ITGA1: variants seen among roughly 807,000 people sequenced by gnomAD.
ITGA1 encodes the protein integrin alpha-1.
A neutral mutation model predicts 145.9 loss-of-function variants in ITGA1; 85 were observed. That is an observed-to-expected ratio of 0.58 (90% CI 0.49 to 0.70). The LOEUF (loss-of-function observed/expected upper bound fraction) is 0.70. ITGA1 is among the 30% of genes least tolerant of loss of function. ITGA1 has a pLI of 0.00. For missense variants in ITGA1, 1,351 were observed against 1,418.7 expected (o/e 0.95, Z 0.77); for synonymous variants, 520 against 495.3 (o/e 1.05, Z -0.66).
chr5:52,941,687 G>T (rs987664681), intron 26 of ITGA1, among the ~76,000 whole-genome samples: 1 of 152,200 alleles, frequency 6.6e-6, no homozygotes, highest in African/African-American at 2.4e-5. Flanking sequence ...ACCTTTGTCA[G>T]ATGCATAGTT....
At chr5:52,839,889 T>C (rs1436854096) in intron 1 of ITGA1, among the ~76,000 whole-genome samples, 5 of 89,354 alleles carry the variant, frequency 5.6e-5, no homozygotes, top group Admixed American at 2.2e-4. Context: ...CTGTGTCTCC[T>C]GTTTCACCCT....
Position 52,878,769 on chromosome 5 carries a change from G to T in ITGA1, c.625-3104G>T, listed in dbSNP as rs193121954. Among the ~76,000 whole-genome samples the T allele has an allele frequency of 2.5e-3, 383 of 152,246 alleles. 2 individuals are homozygous for T. The highest frequency in any genetic ancestry group is 9.0e-3 in the African/African-American group (372 of 41,540). ...GGTCATTCCTTTAAAAGGAGACCAG[G>T]TTACAATTTGTGTGACTTGTGTCTA... is the stretch of plus-strand genomic sequence containing the variant. On this transcript the variant is annotated intron_variant, in intron 6 of 28. Coordinates refer to ENST00000282588, the MANE Select transcript of ITGA1 (RefSeq NM_181501.2).
At chr5:52,939,067 T>C (rs992086255) in intron 24 of ITGA1, among the ~76,000 whole-genome samples, 18 of 152,098 alleles carry the variant, frequency 1.2e-4, no homozygotes, top group Admixed American at 2.0e-4. Flanking sequence ...CACACCCAAC[T>C]AATTTTTGTA....
intron 23 of ITGA1, 68 bp downstream of exon 23, chr5:52,934,064 C>A: frequency 2.0e-6 from 1 of 507,628 alleles, no homozygotes; most frequent in South Asian, 5.4e-5. Context: ...AAAGTATTAA[C>A]AGACACATAA....
chr5:52,875,041 A>G (rs1749843794), intron 6 of ITGA1, among the ~76,000 whole-genome samples: 1 of 152,216 alleles, frequency 6.6e-6, no homozygotes, highest in African/African-American at 2.4e-5. Flanking sequence ...AACTTTCAAA[A>G]GAATTTGCTT....
At chr5:52,906,028 G>A (rs1368419291) in intron 12 of ITGA1, 120 bp downstream of exon 12, 1 of 814,672 alleles carries the variant, frequency 1.2e-6, no homozygotes, top group Non-Finnish European at 1.9e-6. Context: ...ACTGGGAACA[G>A]GGCCCTGTGT....
At chr5:52,947,163 A>G (rs1751146772) in intron 27 of ITGA1, among the ~76,000 whole-genome samples, 182 bp from the exon 28 acceptor site, 1 of 151,860 alleles carries the variant, frequency 6.6e-6, no homozygotes, top group Non-Finnish European at 1.5e-5. Flanking sequence ...GTAATAATAA[A>G]TTTGACATAG....
chr5:52,922,433 A>G (rs1260078938), intron 17 of ITGA1, among the ~76,000 whole-genome samples: 1 of 152,204 alleles, frequency 6.6e-6, no homozygotes, highest in Non-Finnish European at 1.5e-5. Flanking sequence ...GTGTTACATA[A>G]TGATCTTTGG....
chr5:52,849,440 T>G lies in ITGA1; in HGVS notation c.137T>G (p.Met46Arg). The change falls in exon 2 of 29, where the codon ATG becomes AGG. Residue 46 changes from methionine (M) to arginine (R), a missense_variant. Met to Arg is a moderately conservative substitution (Grantham distance 91). Coordinates refer to ENST00000282588, the MANE Select transcript of ITGA1 (RefSeq NM_181501.2). ...SMTFSGPVED[M>R]FGYTVQQYEN... The stretch of plus-strand genomic sequence containing the variant: ...ACTTTCAGCGGCCCGGTGGAAGACA[T>G]GTTTGGATATACTGTTCAACAATAT... 1 of 1,611,878 alleles carries G rather than the reference T, an allele frequency of 6.2e-7. No homozygotes were observed. The highest frequency in any genetic ancestry group is 8.5e-7 in the Non-Finnish European group (1 of 1,179,242).
intron 18 of ITGA1, among the ~76,000 whole-genome samples, chr5:52,923,747 A>C (rs1304014256): frequency 6.6e-6 from 1 of 151,988 alleles, no homozygotes; most frequent in Non-Finnish European, 1.5e-5. Flanking sequence ...CAATGGAAAG[A>C]AATCTCCCCC....
intron 1 of ITGA1, among the ~76,000 whole-genome samples, chr5:52,815,925 C>G (rs1266842540): frequency 6.6e-6 from 1 of 151,970 alleles, no homozygotes; most frequent in Non-Finnish European, 1.5e-5. Flanking sequence ...AAATGTATAA[C>G]TAAACAAAAA....
At chr5:52,856,680 CAGAGAGAGAGAG>C (rs137879951) in intron 2 of ITGA1, among the ~76,000 whole-genome samples, 12 of 148,216 alleles carry the variant, frequency 8.1e-5, no homozygotes, top group South Asian at 2.2e-4. Flanking sequence ...GAAAAAGAGA[CAGAGAGAGAGAG>C]AGAGAGAGAG....
intron 14 of ITGA1, among the ~76,000 whole-genome samples, 175 bp downstream of exon 14, chr5:52,910,594 C>A (rs1230392212): frequency 2.0e-5 from 3 of 149,336 alleles, no homozygotes; most frequent in Non-Finnish European, 4.4e-5. Context: ...TATATACACA[C>A]ACAAACAAAC....
intron 1 of ITGA1, among the ~76,000 whole-genome samples, chr5:52,814,773 G>C (rs1189016346): frequency 6.6e-6 from 1 of 151,998 alleles, no homozygotes; most frequent in East Asian, 1.9e-4. Context: ...CCAATTGGTA[G>C]ATTTTAAATG....
chr5:52,800,286 A>G (rs1344006410), intron 1 of ITGA1: 2 of 1,237,764 alleles, frequency 1.6e-6, no homozygotes, highest in African/African-American at 3.0e-5. Context: ...GTGCCCTTAG[A>G]AACCGGGCCC....
chr5:52,819,905 A>C (rs1021244629), intron 1 of ITGA1, among the ~76,000 whole-genome samples: 1 of 152,134 alleles, frequency 6.6e-6, no homozygotes, highest in Admixed American at 6.5e-5. Flanking sequence ...TAAATAGGGA[A>C]TCCTTTCCCC....
intron 3 of ITGA1, among the ~76,000 whole-genome samples, chr5:52,862,692 A>C (rs999721162): frequency 2.6e-5 from 4 of 152,308 alleles, no homozygotes; most frequent in Non-Finnish European, 5.9e-5. Context: ...ACACAAGATA[A>C]ATTTATATTG....
At chr5:52,914,608 A>AC (rs1554046633) in intron 14 of ITGA1, among the ~76,000 whole-genome samples, 5 of 150,064 alleles carry the variant, frequency 3.3e-5, no homozygotes, top group Non-Finnish European at 7.4e-5. Context: ...AAAAAAAAAA[A>AC]GGGGGGGAAA....
At chr5:52,882,102 A>G in intron 7 of ITGA1, 81 bp downstream of exon 7, 1 of 1,185,520 alleles carries the variant, frequency 8.4e-7, no homozygotes, top group Non-Finnish European at 1.1e-6. Flanking sequence ...ATATCAATTG[A>G]AAGTTTAATA....
Sources: gnomAD v4.1 joint callset for allele counts (sites outside exome capture counted in the v4.1 genomes callset) on GRCh38, gnomAD v4.1.1 for gene constraint, MANE v1.5 for transcripts, NCBI Gene and HGNC (gene_info 2026-07-23, HGNC 2026-07-21) for gene names.